UBN2: variants seen among roughly 807,000 people sequenced by gnomAD.
The protein encoded by UBN2 is ubinuclein 2, also known as ubinuclein-2.
A neutral mutation model predicts 120.2 loss-of-function variants in UBN2; 35 were observed. That is an observed-to-expected ratio of 0.29 (90% CI 0.22 to 0.39). The LOEUF is 0.39. UBN2 is among the 10% of genes least tolerant of loss of function. UBN2 has a pLI of 1.00. For missense variants in UBN2, 1,693 were observed against 1,663.2 expected, an observed-to-expected ratio of 1.02 and a Z score of -0.31; for synonymous variants, 661 against 648.7, an observed-to-expected ratio of 1.02 and a Z score of -0.29.
At chr7:139,293,657 C>T in intron 16 of UBN2, 194 bp downstream of exon 16, 1 of 633,934 alleles carries the variant, frequency 1.6e-6, no homozygotes, top group East Asian at 2.8e-5. Context: ...AGTTTTTAAG[C>T]TATCTATACC....
In UBN2 at chr7:139,245,227, A is replaced by C. The variant is rs534919198; in HGVS notation, c.562-6729A>C. Among the ~76,000 whole-genome samples the C allele has an allele frequency of 1.1e-4, 17 of 150,014 alleles. 1 individual carries two copies. Among genetic ancestry groups the C allele is most frequent in the African/African-American group, 4.2e-4 (17 of 40,642 alleles). On this transcript the variant is annotated intron_variant, in intron 2 of 17. Coordinates refer to ENST00000473989, the MANE Select transcript of UBN2 (RefSeq NM_173569.4). ...AGTGCTGGGATTATAGGCATGAGCCACCTCGCCCAGCCTACCACATTATTC... is the reference window on the plus strand; with the variant it reads ...AGTGCTGGGATTATAGGCATGAGCCCCCTCGCCCAGCCTACCACATTATTC...
At chr7:139,328,418 G>C in the UBN2 span, among the ~76,000 whole-genome samples, 3 of 152,182 alleles carry the variant, frequency 2.0e-5, no homozygotes, top group East Asian at 5.8e-4. Context: ...TTGACATGTG[G>C]GGATTACCAT....
At chr7:139,243,209 ATTC>A (rs566076949) in intron 2 of UBN2, among the ~76,000 whole-genome samples, 62 of 152,348 alleles carry the variant, frequency 4.1e-4, no homozygotes, top group African/African-American at 1.5e-3. Context: ...AGTAAGGAAT[ATTC>A]TTCTGAGTCA....
chr7:139,291,886 A>G (rs1797969307), intron 15 of UBN2, among the ~76,000 whole-genome samples: 1 of 152,108 alleles, frequency 6.6e-6, no homozygotes, highest in Non-Finnish European at 1.5e-5. Context: ...TTTTTAAATA[A>G]AAAAGTCAAA....
intron 13 of UBN2, 71 bp downstream of exon 13, chr7:139,279,431 A>G: frequency 1.6e-6 from 2 of 1,252,920 alleles, no homozygotes. Flanking sequence ...AAGATGAAAA[A>G]GATGTATGGT....
chr7:139,254,529 T>C (rs941892906), intron 3 of UBN2, among the ~76,000 whole-genome samples: 2 of 152,226 alleles, frequency 1.3e-5, no homozygotes, highest in Non-Finnish European at 2.9e-5. Flanking sequence ...TCTAATTTGC[T>C]GTGTAGCCAG....
At chr7:139,286,399 GTTA>G (rs1347869312) in intron 15 of UBN2, among the ~76,000 whole-genome samples, 2 of 152,026 alleles carry the variant, frequency 1.3e-5, no homozygotes, top group Non-Finnish European at 2.9e-5. Flanking sequence ...ATCATCTTCT[GTTA>G]TTGTTTTCAT....
chr7:139,303,853 GGA>G lies in UBN2; in HGVS notation c.*6022_*6023del, dbSNP rs917915095. 1 of 152,084 alleles carries G rather than the reference GGA, an allele frequency of 6.6e-6. No individual in the cohort carries two copies. Among genetic ancestry groups the G allele is most frequent in the Non-Finnish European group, 1.5e-5 (1 of 68,018 alleles). 9.4% of individuals were successfully genotyped at this position (152,084 alleles called of 1,614,324 possible). On this transcript the variant is annotated 3_prime_UTR_variant, in exon 18 of 18. Transcript: ENST00000473989. ...AAATGTTTAGTTTCAGGTTAACAAG[GGA>G]GAGAAATAACACTAAGTTTAAGTAG... is the stretch of plus-strand genomic sequence containing the variant.
chr7:139,237,118 A>C lies in UBN2; in HGVS notation c.561+21A>C, dbSNP rs770048291. 1.9e-6 allele frequency: 3 copies of C among 1,558,246 alleles called. No homozygotes were observed. The Admixed American group carries it at 5.1e-5, about 27-fold the overall frequency. On this transcript the variant is annotated intron_variant, in intron 2 of 17. Coordinates refer to ENST00000473989, the MANE Select transcript of UBN2 (RefSeq NM_173569.4). Reference sequence around the variant, plus strand: ...AATATGTGAGTATAATAAACTGATCACTTAGGTAATTTTATCCTATTGACC... The same window carrying C: ...AATATGTGAGTATAATAAACTGATCCCTTAGGTAATTTTATCCTATTGACC...
chr7:139,283,206 G>A lies in UBN2; in HGVS notation c.2301G>A (p.Leu767=). ...ACCTTTCTTTCCATTCACCTTCACT[G>A]GATCTTGTTTCTGAAGCTTTAGCGG... is the stretch of plus-strand genomic sequence containing the variant. The part of the protein sequence containing the change: ...DEDLSFHSPS[L]DLVSEALAVI... Residue 767 remains leucine, a synonymous_variant, in exon 15 of 18, where the codon CTG becomes CTA. Coordinates refer to ENST00000473989, the MANE Select transcript of UBN2 (RefSeq NM_173569.4). 6.2e-7 allele frequency: 1 copy of A among 1,612,562 alleles called. No individual in the cohort carries two copies. The highest frequency in any genetic ancestry group is 8.5e-7 in the Non-Finnish European group (1 of 1,179,844).
intron 1 of UBN2, among the ~76,000 whole-genome samples, chr7:139,235,015 T>C (rs1014882053): frequency 6.6e-6 from 1 of 152,190 alleles, no homozygotes; most frequent in African/African-American, 2.4e-5. Flanking sequence ...TATTCTTAAC[T>C]GTGAAAGAAA....
downstream of UBN2, among the ~76,000 whole-genome samples, chr7:139,308,496 G>A (rs960600890): frequency 6.6e-6 from 1 of 152,128 alleles, no homozygotes; most frequent in African/African-American, 2.4e-5. Context: ...TTCACAGTGG[G>A]GAAGAAACGG....
chr7:139,289,920 G>C (rs1021987430), intron 15 of UBN2, among the ~76,000 whole-genome samples: 3 of 151,242 alleles, frequency 2.0e-5, no homozygotes, highest in African/African-American at 7.3e-5. Flanking sequence ...CCGAGACAGA[G>C]TCTTGCTCTG....
chr7:139,294,320 T>C (rs1798048892), intron 17 of UBN2, among the ~76,000 whole-genome samples: 1 of 152,194 alleles, frequency 6.6e-6, no homozygotes, highest in Non-Finnish European at 1.5e-5. Context: ...TGTGACAGCT[T>C]ACGTGGATTA....
chr7:139,280,543 T>C (rs1056345039), intron 13 of UBN2, among the ~76,000 whole-genome samples: 6 of 152,210 alleles, frequency 3.9e-5, no homozygotes, highest in African/African-American at 1.4e-4. Flanking sequence ...TCTTTGCTTA[T>C]AAGATTGTGG....
chr7:139,280,677 A>T (rs1205232186), intron 13 of UBN2, among the ~76,000 whole-genome samples: 1 of 151,932 alleles, frequency 6.6e-6, no homozygotes, highest in Non-Finnish European at 1.5e-5. Context: ...ACAGAGTCTC[A>T]CTCTATCACC....
rs543590716 is a variant in UBN2, at chr7:139,307,292, T to C, written c.*9456T>C. 1 of 152,284 alleles carries C rather than the reference T, an allele frequency of 6.6e-6. No homozygotes were observed. The highest frequency in any genetic ancestry group is 2.4e-5 in the African/African-American group (1 of 41,578). 9.4% of individuals were successfully genotyped at this position (152,284 alleles called of 1,614,324 possible). A position where few individuals can be genotyped will look rare whatever the true frequency, so the allele number is the denominator to read the frequency against. On this transcript the variant is annotated 3_prime_UTR_variant, in exon 18 of 18. Transcript: ENST00000473989. ...AGGGATATACTGTATTTCAAATAAG[T>C]GTGTGACTTAATATTTTGGGATTTT...
intron 7 of UBN2, 151 bp from the exon 8 acceptor site, chr7:139,269,243 T>C (rs1797190090): frequency 1.4e-6 from 1 of 722,870 alleles, no homozygotes; most frequent in Non-Finnish European, 2.1e-6. Flanking sequence ...TTTATTGCTA[T>C]GGGTTTTTTT....
intron 1 of UBN2, among the ~76,000 whole-genome samples, chr7:139,234,498 A>G (rs765972847): frequency 1.3e-5 from 2 of 152,188 alleles, no homozygotes; most frequent in African/African-American, 4.8e-5. Context: ...AAACAAAACC[A>G]CAGGTTAGCT....
Sources: allele counts gnomAD v4.1 joint callset (sites outside exome capture counted in the v4.1 genomes callset), GRCh38; gene constraint gnomAD v4.1.1; transcripts MANE v1.5; gene names NCBI Gene and HGNC (gene_info 2026-07-23, HGNC 2026-07-21).